PFKFB3: variants seen among roughly 807,000 people sequenced by gnomAD.
PFKFB3 encodes 6-phosphofructo-2-kinase/fructose-2,6-biphosphatase 3, also known as 6-phosphofructo-2-kinase/fructose-2,6-bisphosphatase 3.
Under a neutral mutation model 68.0 loss-of-function variants are expected in PFKFB3, and 33 were observed. The observed-to-expected ratio is 0.49, with a 90% CI of 0.37 to 0.65. The LOEUF (loss-of-function observed/expected upper bound fraction) is 0.65. Among genes scored for constraint, PFKFB3 ranks in the 30% least tolerant of loss-of-function variants. The pLI is 0.00. For synonymous variants in PFKFB3, 315 were observed against 288.2 expected, an observed-to-expected ratio of 1.09 and a Z score of -0.94; for missense variants, 586 against 712.2, an observed-to-expected ratio of 0.82 and a Z score of 2.02.
chr10:6,264,500 T>C, the PFKFB3 span, among the ~76,000 whole-genome samples: 1 of 152,178 alleles, frequency 6.6e-6, no homozygotes, highest in Admixed American at 6.5e-5. Context: ...ATATTTAGGG[T>C]TTTTTGTTTA....
At chr10:6,295,694 T>C in the PFKFB3 span, among the ~76,000 whole-genome samples, 1 of 152,178 alleles carries the variant, frequency 6.6e-6, no homozygotes, top group African/African-American at 2.4e-5. Context: ...TGGGCCTTGG[T>C]AAAACCCCAG....
chr10:6,224,562 C>G (rs1845195144), intron 13 of PFKFB3: 1 of 454,232 alleles, frequency 2.2e-6, no homozygotes, highest in Non-Finnish European at 4.4e-6. Flanking sequence ...CTCACTGCAG[C>G]CTCAACCTCC....
chr10:6,202,864 C>G, upstream of PFKFB3: 1 of 1,040,628 alleles, frequency 9.6e-7, no homozygotes, highest in African/African-American at 1.7e-5. Flanking sequence ...GCGGCCCGCC[C>G]CGAGGCTGAC....
At chr10:6,213,912 C>T (rs936308067) in intron 2 of PFKFB3, among the ~76,000 whole-genome samples, 164 bp downstream of exon 2, 1 of 152,204 alleles carries the variant, frequency 6.6e-6, no homozygotes, top group African/African-American at 2.4e-5. Flanking sequence ...ACTGTGTCTA[C>T]ACCCTTTTTC....
chr10:6,215,350 GT>G lies in PFKFB3; in HGVS notation c.299+34del. On this transcript the variant is annotated intron_variant, in intron 3 of 14. Coordinates refer to ENST00000379775, the MANE Select transcript of PFKFB3 (RefSeq NM_004566.4). The surrounding 1 kb of genome is among the most constrained non-coding windows in gnomAD (Gnocchi z 4.3). ...TGGGCCGCGGGCGTAGGGCTGGGCTGTGGGAATAAGGCTGGGCCGCGGGCAT... is the reference window on the plus strand; with the variant it reads ...TGGGCCGCGGGCGTAGGGCTGGGCTGGGGAATAAGGCTGGGCCGCGGGCAT... 1.9e-6 allele frequency: 3 copies of G among 1,543,798 alleles called. No individual in the cohort carries two copies. The highest frequency in any genetic ancestry group is 1.8e-6 in the Non-Finnish European group (2 of 1,117,552).
At chr10:6,304,563 G>T in the PFKFB3 span, among the ~76,000 whole-genome samples, 1 of 150,916 alleles carries the variant, frequency 6.6e-6, no homozygotes, top group African/African-American at 2.4e-5. Context: ...GTTTCACCAT[G>T]TTGACCAGGC....
Position 6,229,851 on chromosome 10 carries a change from G to A in PFKFB3, c.1516-3044G>A, listed in dbSNP as rs190726750. On this transcript the variant is annotated intron_variant, in intron 14 of 14. Transcript: ENST00000379775. The surrounding 1 kb of genome is among the most constrained non-coding windows in gnomAD (Gnocchi z 4.3). Reference sequence around the variant, plus strand: ...GGATAAAACTGTTCTGCCTCAGATCGTCTGGCATTAGATTCTCTGAAGGGA... The same window carrying A: ...GGATAAAACTGTTCTGCCTCAGATCATCTGGCATTAGATTCTCTGAAGGGA... Among the ~76,000 whole-genome samples the A allele has an allele frequency of 1.1e-4, 17 of 152,244 alleles. No individual in the cohort carries two copies. Among genetic ancestry groups the A allele is most frequent in the South Asian group, 2.1e-4 (1 of 4,812 alleles).
downstream of PFKFB3, among the ~76,000 whole-genome samples, chr10:6,258,115 C>T (rs570006682): frequency 5.3e-5 from 8 of 152,092 alleles, no homozygotes; most frequent in East Asian, 1.9e-4. Context: ...AGTACATCGA[C>T]GGGAATTTCT....
In PFKFB3 at chr10:6,223,856, A is replaced by G. The variant is rs1845135603; in HGVS notation, c.1214-102A>G. ...GGTCTTGAACTCCTGACCTCAGGTG[A>G]TCCACCTGCCTCGGCCTCCCAAAGT... On this transcript the variant is annotated intron_variant, in intron 11 of 14. Coordinates refer to ENST00000379775, the MANE Select transcript of PFKFB3 (RefSeq NM_004566.4). 2.1e-5 allele frequency: 20 copies of G among 957,010 alleles called. No individual in the cohort carries two copies. In the South Asian group the frequency reaches 2.2e-4, roughly 11 times the overall value. The allele number at this position is 957,010 out of a possible 1,614,324, so 59.3% of individuals were successfully genotyped here.
chr10:6,262,782 A>T, the PFKFB3 span, among the ~76,000 whole-genome samples: 1 of 152,200 alleles, frequency 6.6e-6, no homozygotes, highest in Admixed American at 6.5e-5. Context: ...CTAGAGGAGC[A>T]AAGGCAAGAG....
the PFKFB3 span, among the ~76,000 whole-genome samples, chr10:6,270,246 C>T: frequency 6.6e-5 from 10 of 152,260 alleles, no homozygotes; most frequent in East Asian, 9.6e-4. Context: ...TGGTGAGCTA[C>T]GACCCGGAAC....
intron 1 of PFKFB3, among the ~76,000 whole-genome samples, chr10:6,207,076 C>T (rs1047106104): frequency 6.6e-6 from 1 of 152,166 alleles, no homozygotes; most frequent in African/African-American, 2.4e-5. Flanking sequence ...CTTTGGGAGG[C>T]CAAGGCAGGC....
intron 1 of PFKFB3, chr10:6,163,960 G>A (rs1842048595): frequency 6.6e-6 from 1 of 152,366 alleles, no homozygotes; most frequent in African/African-American, 2.4e-5. Context: ...TGTTTTCCGA[G>A]AAGGCCTGGG....
chr10:6,276,082 A>G, the PFKFB3 span, among the ~76,000 whole-genome samples: 1 of 152,184 alleles, frequency 6.6e-6, no homozygotes, highest in African/African-American at 2.4e-5. Flanking sequence ...GAATGAGAGG[A>G]TTTTTGGTAA....
chr10:6,226,313 C>T lies in PFKFB3; in HGVS notation c.1463C>T (p.Ala488Val). The T allele has an allele frequency of 6.2e-7, 1 of 1,614,112 alleles. No homozygotes were observed. The highest frequency in any genetic ancestry group is 8.5e-7 in the Non-Finnish European group (1 of 1,180,002). ...GAGGAGCATGTGGCCTCCACCTCGGCCGCCCTGCCCAGCTGCCTGCCCCCG... is the reference window on the plus strand; with the variant it reads ...GAGGAGCATGTGGCCTCCACCTCGGTCGCCCTGCCCAGCTGCCTGCCCCCG... The part of the protein sequence containing the change: ...SFEEHVASTS[A>V]ALPSCLPPEV... Residue 488 changes from alanine to valine, a missense_variant, in exon 14 of 15, where the codon GCC (alanine) becomes GTC (valine). Coordinates refer to ENST00000379775, the MANE Select transcript of PFKFB3 (RefSeq NM_004566.4).
At chr10:6,272,417 G>A in the PFKFB3 span, among the ~76,000 whole-genome samples, 7 of 152,160 alleles carry the variant, frequency 4.6e-5, no homozygotes, top group African/African-American at 1.7e-4. Flanking sequence ...AGTCTGGCTG[G>A]GCACGGTGGC....
upstream of PFKFB3, among the ~76,000 whole-genome samples, chr10:6,198,125 A>G (rs541383576): frequency 6.6e-6 from 1 of 152,200 alleles, no homozygotes; most frequent in South Asian, 2.1e-4. Flanking sequence ...ACAAGCCTGT[A>G]ATACCAGTTA....
Position 6,224,298 on chromosome 10 carries a change from G to A in PFKFB3, c.1341+85G>A, listed in dbSNP as rs535874847. The A allele has an allele frequency of 2.2e-4, 299 of 1,373,766 alleles. No homozygotes were observed. The East Asian group carries it at 3.5e-3, about 16-fold the overall frequency. The allele number at this position is 1,373,766 out of a possible 1,614,324, so 85.1% of individuals were successfully genotyped here. ...TGGGCGCTCAGGAGGCCCCGGGGCC[G>A]CTTGCCTGCAGGTGCTGGCCTGTCT... is the stretch of plus-strand genomic sequence containing the variant. On this transcript the variant is annotated intron_variant, in intron 13 of 14. Transcript: ENST00000379775.
the PFKFB3 span, chr10:6,326,599 C>T: frequency 2.2e-6 from 1 of 452,514 alleles, no homozygotes; most frequent in Non-Finnish European, 4.4e-6. Flanking sequence ...TGCTCCGTTG[C>T]CCCGACGAGG....
Sources: gnomAD v4.1 joint callset for allele counts (sites outside exome capture counted in the v4.1 genomes callset) on GRCh38, gnomAD v4.1.1 for gene constraint, Gnocchi (gnomAD v3.1) non-coding constraint, MANE v1.5 for transcripts, NCBI Gene and HGNC (gene_info 2026-07-23, HGNC 2026-07-21) for gene names.